The following RRP1B variants were observed in gnomAD, a reference collection of about 807,000 sequenced individuals.
RRP1B encodes the protein ribosomal RNA processing 1B.
RRP1B carries 56 observed loss-of-function variants against 80.2 expected under a neutral mutation model. That is an observed-to-expected ratio of 0.70 (90% CI 0.56 to 0.87). The LOEUF (loss-of-function observed/expected upper bound fraction) is 0.87, where lower values mean the gene tolerates loss of function less well. RRP1B is among the 40% of genes least tolerant of loss of function. The pLI, the probability that RRP1B is intolerant of heterozygous loss-of-function variation, is 0.00. For missense variants in RRP1B, 807 were observed against 939.8 expected (o/e 0.86, Z 1.85); for synonymous variants, 351 against 357.6 (o/e 0.98, Z 0.21).
chr21:43,672,288 C>G lies in RRP1B; in HGVS notation c.214-20C>G. Reference sequence around the variant, plus strand: ...GCCCCACGATAACCCCCATGTTTCTCCCCAACCCCGCCTCTGCAGGAAGAG... The same window carrying G: ...GCCCCACGATAACCCCCATGTTTCTGCCCAACCCCGCCTCTGCAGGAAGAG... On this transcript the variant is annotated intron_variant, in intron 2 of 15. Coordinates refer to ENST00000340648, the MANE Select transcript of RRP1B (RefSeq NM_015056.3). 1 of 1,613,538 alleles carries G rather than the reference C, an allele frequency of 6.2e-7. No homozygotes were observed. Among genetic ancestry groups the G allele is most frequent in the Non-Finnish European group, 8.5e-7 (1 of 1,179,576 alleles).
intron 1 of RRP1B, among the ~76,000 whole-genome samples, chr21:43,664,460 C>T (rs542043517): frequency 6.6e-6 from 1 of 152,176 alleles, no homozygotes; most frequent in East Asian, 1.9e-4. Flanking sequence ...GTGTTTCACA[C>T]GTCTTGGGCT....
chr21:43,678,857 A>G (rs771915462), intron 8 of RRP1B, among the ~76,000 whole-genome samples: 3 of 152,170 alleles, frequency 2.0e-5, no homozygotes, highest in Non-Finnish European at 4.4e-5. Context: ...CATCTGGAAG[A>G]GTTTTTCTAA....
chr21:43,672,354 A>T lies in RRP1B; in HGVS notation c.260A>T (p.Asn87Ile). ...GCACAGCTAGTCCATGCTGTTAACA[A>T]CTCAGCGGCTCGTAAGTCCTGTTGT... ...TIAQLVHAVNNSAAQHLFIQT... is the reference protein window; with the variant it reads ...TIAQLVHAVNISAAQHLFIQT... The change falls in exon 3 of 16, where the codon AAC (asparagine) becomes ATC (isoleucine). Residue 87 changes from asparagine to isoleucine, a missense_variant. Physicochemically the swap from Asn to Ile is moderately radical, Grantham distance 149. Coordinates refer to ENST00000340648, the MANE Select transcript of RRP1B (RefSeq NM_015056.3). The T allele has an allele frequency of 1.2e-6, 2 of 1,613,936 alleles. No individual in the cohort carries two copies. Among genetic ancestry groups the T allele is most frequent in the Non-Finnish European group, 1.7e-6 (2 of 1,179,894 alleles).
chr21:43,660,954 GT>G (rs570211656), intron 1 of RRP1B, among the ~76,000 whole-genome samples: 62 of 152,252 alleles, frequency 4.1e-4, no homozygotes, highest in African/African-American at 1.5e-3. Flanking sequence ...TGTAATAGAG[GT>G]TTTAAGATAA....
intron 3 of RRP1B, 41 bp downstream of exon 3, chr21:43,672,406 G>A (rs377087271): frequency 1.1e-5 from 17 of 1,548,072 alleles, no homozygotes; most frequent in African/African-American, 2.7e-5. Flanking sequence ...CAAGTTTTCC[G>A]ACTTGCTAGT....
intron 8 of RRP1B, among the ~76,000 whole-genome samples, chr21:43,677,845 T>G (rs950633623): frequency 6.6e-6 from 1 of 152,374 alleles, no homozygotes; most frequent in Non-Finnish European, 1.5e-5. Flanking sequence ...ATTTCATTCC[T>G]TTTTATGGCT....
At chr21:43,682,235 C>T (rs901268200) in intron 8 of RRP1B, among the ~76,000 whole-genome samples, 7 of 152,160 alleles carry the variant, frequency 4.6e-5, no homozygotes, top group South Asian at 2.1e-4. Context: ...ACATTTCTGT[C>T]GCCTAACCTG....
chr21:43,692,428 G>A (rs940369235), intron 15 of RRP1B, among the ~76,000 whole-genome samples: 13 of 152,046 alleles, frequency 8.6e-5, no homozygotes, highest in Admixed American at 3.3e-4. Flanking sequence ...GTAAAACCCC[G>A]TCTCTACTAA....
chr21:43,690,723 A>G (rs2083082940), intron 14 of RRP1B, among the ~76,000 whole-genome samples: 1 of 152,174 alleles, frequency 6.6e-6, no homozygotes, highest in Non-Finnish European at 1.5e-5. Flanking sequence ...TTCTCTCGTG[A>G]AATGTCACAG....
At chr21:43,672,855 A>G (rs2083005355) in intron 3 of RRP1B, among the ~76,000 whole-genome samples, 1 of 152,226 alleles carries the variant, frequency 6.6e-6, no homozygotes, top group South Asian at 2.1e-4. Flanking sequence ...GTTCTGCTTA[A>G]TGCTCTTCAG....
intron 1 of RRP1B, among the ~76,000 whole-genome samples, chr21:43,668,447 A>G (rs979278324): frequency 1.3e-5 from 2 of 151,412 alleles, no homozygotes; most frequent in South Asian, 4.2e-4. Flanking sequence ...TGCAAAGTGC[A>G]AACTCCACCT....
intron 1 of RRP1B, among the ~76,000 whole-genome samples, chr21:43,665,391 G>A (rs1220682141): frequency 1.3e-5 from 2 of 152,236 alleles, no homozygotes; most frequent in African/African-American, 4.8e-5. Flanking sequence ...CTGGTTCAGA[G>A]CCTGGGATTC....
In RRP1B at chr21:43,687,784, T is replaced by TA; in HGVS notation, c.1414dup (p.Arg472LysfsTer40). On this transcript the variant is annotated frameshift_variant, in exon 13 of 16. Transcript: ENST00000340648. LOFTEE classifies it high-confidence loss of function. ...ATCCTCCAGCCGTCCCCATGCACAA[T>TA]AAAAGGAAACGGCCACGGAAGAAGA... The TA allele has an allele frequency of 6.2e-7, 1 of 1,613,166 alleles. No homozygotes were observed. The highest frequency in any genetic ancestry group is 8.5e-7 in the Non-Finnish European group (1 of 1,179,996).
At chr21:43,671,942 C>G (rs2083001031) in intron 2 of RRP1B, among the ~76,000 whole-genome samples, 1 of 152,166 alleles carries the variant, frequency 6.6e-6, no homozygotes, top group African/African-American at 2.4e-5. Flanking sequence ...CTGCCTCGGC[C>G]TCCCAAAGTG....
At position 43,691,419 on chromosome 21, in the gene RRP1B, C is replaced by T. The variant is rs764317115; in HGVS notation, c.2020-20C>T. ...TGCACTTGCGTCACTCCTTTTGTTC[C>T]TGTTATTTCTCTTCTGCAGCTAAAC... On this transcript the variant is annotated intron_variant, in intron 14 of 15. Coordinates refer to ENST00000340648, the MANE Select transcript of RRP1B (RefSeq NM_015056.3). This position sits in a 1 kb window ranked among gnomAD's most constrained non-coding sequence, Gnocchi z 4.2. The T allele has an allele frequency of 5.0e-6, 8 of 1,613,308 alleles. No homozygotes were observed. The highest frequency in any genetic ancestry group is 6.8e-6 in the Non-Finnish European group (8 of 1,179,414).
At position 43,693,423 on chromosome 21, in the gene RRP1B, G is replaced by T; in HGVS notation, c.*40G>T. ...CCTTGTAAAAGACTGCTTTTGTACAGAATGCGCTATAAATTATACCTTTAA... is the reference window on the plus strand; with the variant it reads ...CCTTGTAAAAGACTGCTTTTGTACATAATGCGCTATAAATTATACCTTTAA... On this transcript the variant is annotated 3_prime_UTR_variant, in exon 16 of 16. Transcript: ENST00000340648. This position sits in a 1 kb window ranked among gnomAD's most constrained non-coding sequence, Gnocchi z 4.1. 1 of 1,471,838 alleles carries T rather than the reference G, an allele frequency of 6.8e-7. No homozygotes were observed. The highest frequency in any genetic ancestry group is 9.1e-7 in the Non-Finnish European group (1 of 1,103,512). 91.2% of individuals were successfully genotyped at this position (1,471,838 alleles called of 1,614,324 possible).
intron 2 of RRP1B, among the ~76,000 whole-genome samples, chr21:43,671,668 C>A (rs1205711184): frequency 2.0e-5 from 3 of 149,438 alleles, no homozygotes; most frequent in Non-Finnish European, 1.5e-5. Flanking sequence ...GCTGCCCAGC[C>A]CAGCTTAGAT....
In RRP1B at chr21:43,693,451, A is replaced by ATG; in HGVS notation, c.*71_*72dup. ...TGCGCTATAAATTATACCTTTAAGAATGTGGGGCCTTTTTTATGATTTTGT... is the reference window on the plus strand; with the variant it reads ...TGCGCTATAAATTATACCTTTAAGAATGTGTGGGGCCTTTTTTATGATTTTGT... On this transcript the variant is annotated 3_prime_UTR_variant, in exon 16 of 16. Coordinates refer to ENST00000340648, the MANE Select transcript of RRP1B (RefSeq NM_015056.3). This position sits in a 1 kb window ranked among gnomAD's most constrained non-coding sequence, Gnocchi z 4.1. 2.2e-6 allele frequency: 3 copies of ATG among 1,368,886 alleles called. No individual in the cohort carries two copies. The Middle Eastern group carries it at 7.0e-4, about 320-fold the overall frequency. The allele number at this position is 1,368,886 out of a possible 1,614,324, so 84.8% of individuals were successfully genotyped here.
intron 11 of RRP1B, 24 bp downstream of exon 11, chr21:43,685,813 T>A (rs2083060972): frequency 1.9e-6 from 3 of 1,591,278 alleles, no homozygotes; most frequent in Non-Finnish European, 2.6e-6. Context: ...AGAATCATCA[T>A]TCATGGTGTT....
Sources: allele counts gnomAD v4.1 joint callset (sites outside exome capture counted in the v4.1 genomes callset), GRCh38; gene constraint gnomAD v4.1.1; non-coding constraint Gnocchi (gnomAD v3.1); transcripts MANE v1.5; gene names NCBI Gene and HGNC (gene_info 2026-07-23, HGNC 2026-07-21).